Variants in SERPINE3 observed in about 807,000 individuals in gnomAD.
SERPINE3 encodes the protein serpin family E member 3.
In SERPINE3, 43 loss-of-function variants were observed where a neutral mutation model predicts 41.7. The ratio of observed to expected loss-of-function variants is 1.03; its 90% CI spans 0.81 to 1.33. The LOEUF (loss-of-function observed/expected upper bound fraction) is 1.33, where lower values mean the gene tolerates loss of function less well. SERPINE3 is among the 40% of genes most tolerant of loss of function. SERPINE3 has a pLI of 0.00. For synonymous variants in SERPINE3, 200 were observed against 192.2 expected, an observed-to-expected ratio of 1.04 and a Z score of -0.34; for missense variants, 440 against 491.7, an observed-to-expected ratio of 0.89 and a Z score of 0.99.
chr13:51,345,176 C>T (rs1036904598), intron 4 of SERPINE3, among the ~76,000 whole-genome samples: 5 of 152,288 alleles, frequency 3.3e-5, no homozygotes, highest in African/African-American at 1.2e-4. Flanking sequence ...CTATTACTCT[C>T]CCCATTCTAT....
intron 3 of SERPINE3, among the ~76,000 whole-genome samples, chr13:51,343,978 C>T (rs2041069287): frequency 6.6e-6 from 1 of 152,212 alleles, no homozygotes; most frequent in Non-Finnish European, 1.5e-5. Context: ...TATTCATCTA[C>T]TGGATGTTGG....
At chr13:51,358,286 A>C (rs1318271699) in intron 7 of SERPINE3, among the ~76,000 whole-genome samples, 1 of 152,172 alleles carries the variant, frequency 6.6e-6, no homozygotes, top group African/African-American at 2.4e-5. Flanking sequence ...TACAGCAAAT[A>C]ATTGTAAAGA....
chr13:51,348,451 G>A, intron 6 of SERPINE3, 40 bp downstream of exon 6: 1 of 1,566,404 alleles, frequency 6.4e-7, no homozygotes, highest in Non-Finnish European at 8.7e-7. Context: ...TGTGCAGCCA[G>A]CAGTCAGAAG....
At chr13:51,347,842 T>C (rs1004529654) in intron 5 of SERPINE3, among the ~76,000 whole-genome samples, 3 of 151,892 alleles carry the variant, frequency 2.0e-5, no homozygotes, top group Non-Finnish European at 2.9e-5. Flanking sequence ...CGAGAAAACA[T>C]AGTATATGCA....
rs535038842 is a variant in SERPINE3, at chr13:51,361,549, A to C, written c.1087+185A>C. The C allele has an allele frequency of 2.9e-5, 17 of 591,484 alleles. No individual in the cohort carries two copies. In the East Asian group the frequency reaches 4.5e-4, roughly 16 times the overall value. The allele number at this position is 591,484 out of a possible 1,614,324, so 36.6% of individuals were successfully genotyped here. ...TGAAAAATGACGGGGAAGAAGAGAT[A>C]TCCATCCCATAAAAATAATTCTGAA... On this transcript the variant is annotated intron_variant, in intron 8 of 9. Coordinates refer to ENST00000681248, the MANE Select transcript of SERPINE3 (RefSeq NM_001386375.1).
chr13:51,362,977 C>T (rs1169404111), intron 9 of SERPINE3: 3 of 151,996 alleles, frequency 2.0e-5, no homozygotes, highest in African/African-American at 7.2e-5. Flanking sequence ...GAAAATATCA[C>T]TTATCACCCA....
intron 4 of SERPINE3, among the ~76,000 whole-genome samples, chr13:51,345,836 T>G (rs1487257131): frequency 6.6e-6 from 1 of 152,228 alleles, no homozygotes; most frequent in Non-Finnish European, 1.5e-5. Context: ...CAGCTCCCAG[T>G]GCAGGCTGAT....
chr13:51,364,188 A>G (rs1185656622), intron 9 of SERPINE3, 51 bp from the exon 10 acceptor site: 8 of 864,166 alleles, frequency 9.3e-6, no homozygotes, highest in Admixed American at 5.5e-5. Flanking sequence ...AAGCTTAAAG[A>G]ACTGCATATG....
At position 51,364,363 on chromosome 13, in the gene SERPINE3, ATGTC is replaced by A. The variant is rs751293946; in HGVS notation, c.*84_*87del. 1,113 of 760,034 alleles carry A rather than the reference ATGTC, an allele frequency of 1.5e-3. 2 individuals are homozygous for A. Among genetic ancestry groups the A allele is most frequent in the Non-Finnish European group, 1.7e-3 (846 of 492,772 alleles). 47.1% of individuals were successfully genotyped at this position (760,034 alleles called of 1,614,324 possible). On this transcript the variant is annotated 3_prime_UTR_variant, in exon 10 of 10. Coordinates refer to ENST00000681248, the MANE Select transcript of SERPINE3 (RefSeq NM_001386375.1). Reference sequence around the variant, plus strand: ...TGCTATACCCTTGAAATTTAAAAAAATGTCTGATAAAGTGTAAAAAGCTAAGGGT... The same window carrying A: ...TGCTATACCCTTGAAATTTAAAAAAATGATAAAGTGTAAAAAGCTAAGGGT...
chr13:51,359,448 G>T (rs1955528672), intron 7 of SERPINE3, among the ~76,000 whole-genome samples: 1 of 152,070 alleles, frequency 6.6e-6, no homozygotes, highest in Non-Finnish European at 1.5e-5. Flanking sequence ...GTTTATGGCT[G>T]TGCAAACATA....
At chr13:51,348,847 A>AGTCCCCCCATGACCCCCT (rs1555280123) in intron 6 of SERPINE3, among the ~76,000 whole-genome samples, 15 of 151,868 alleles carry the variant, frequency 9.9e-5, no homozygotes, top group African/African-American at 2.2e-4. Flanking sequence ...TACGTAATTG[A>AGTCCCCCCATGACCCCCT]GCAAGTACAG....
chr13:51,347,351 T>C (rs1672899041), intron 5 of SERPINE3, 117 bp downstream of exon 5: 1 of 850,346 alleles, frequency 1.2e-6, no homozygotes, highest in South Asian at 1.6e-5. Flanking sequence ...GCAGGGTCCA[T>C]CTGCTGGACT....
rs1400003861 is a variant in SERPINE3 at position 51,344,467 on chromosome 13, G to T, written c.472G>T (p.Ala158Ser). ...NSTAIQTSEG[A>S]SRETAGGGPS... is the part of the protein sequence containing the mutation. ...CACCGCCATCCAGACTAGCGAAGGG[G>T]CCTCCAGAGAGACTGCAGGTAAAAG... The change falls in exon 4 of 10, where the codon GCC becomes TCC. Residue 158 changes from alanine (A) to serine (S), a missense_variant. Physicochemically the swap from Ala to Ser is moderately conservative, Grantham distance 99. Transcript: ENST00000681248. 6.3e-7 allele frequency: 1 copy of T among 1,590,736 alleles called. No individual in the cohort carries two copies. The highest frequency in any genetic ancestry group is 1.8e-5 in the Admixed American group (1 of 56,248).
intron 4 of SERPINE3, among the ~76,000 whole-genome samples, chr13:51,344,736 C>A (rs978697987): frequency 1.7e-4 from 26 of 152,264 alleles, no homozygotes; most frequent in Admixed American, 1.3e-3. Flanking sequence ...CACAAGAGCA[C>A]ACAAGAACAC....
intron 8 of SERPINE3, 158 bp from the exon 9 acceptor site, chr13:51,361,651 CT>C (rs1955579169): frequency 1.6e-6 from 1 of 643,464 alleles, no homozygotes; most frequent in Non-Finnish European, 2.6e-6. Context: ...GGCATCTTTT[CT>C]CTTTAATTTT....
intron 7 of SERPINE3, among the ~76,000 whole-genome samples, chr13:51,356,260 T>C (rs1200479504): frequency 6.6e-6 from 1 of 152,080 alleles, no homozygotes; most frequent in Non-Finnish European, 1.5e-5. Flanking sequence ...GTAAATACTG[T>C]TGACTTGGTC....
intron 6 of SERPINE3, among the ~76,000 whole-genome samples, chr13:51,351,407 G>C (rs1377732253): frequency 6.6e-6 from 1 of 152,116 alleles, no homozygotes; most frequent in African/African-American, 2.4e-5. Context: ...TAATGAGGTA[G>C]AGCATCTTTT....
intron 7 of SERPINE3, among the ~76,000 whole-genome samples, chr13:51,356,131 C>G (rs1221945224): frequency 1.3e-5 from 2 of 152,082 alleles, no homozygotes; most frequent in African/African-American, 4.8e-5. Flanking sequence ...ATCTATTCTA[C>G]AGAGTTTAAA....
At chr13:51,363,967 T>C (rs1276476455) in intron 9 of SERPINE3, 1 of 243,918 alleles carries the variant, frequency 4.1e-6, no homozygotes, top group African/African-American at 2.2e-5. Context: ...CTAGATACTC[T>C]TGTTAAGTAT....
Sources: gnomAD v4.1 joint callset for allele counts (sites outside exome capture counted in the v4.1 genomes callset) on GRCh38, gnomAD v4.1.1 for gene constraint, MANE v1.5 for transcripts, NCBI Gene and HGNC (gene_info 2026-07-23, HGNC 2026-07-21) for gene names.